Variants in SIDT1 observed in about 807,000 individuals in gnomAD.
The protein encoded by SIDT1 is SID1 transmembrane family, member 1.
A neutral mutation model predicts 107.5 loss-of-function variants in SIDT1; 101 were observed. The observed-to-expected ratio is 0.94, with a 90% CI of 0.80 to 1.11. The LOEUF (loss-of-function observed/expected upper bound fraction) is 1.11. SIDT1 is among the 50% of genes least tolerant of loss of function. The pLI, the probability that SIDT1 is intolerant of heterozygous loss-of-function variation, is 0.00. For synonymous variants in SIDT1, 395 were observed against 398.2 expected (o/e 0.99, Z 0.10); for missense variants, 1,076 against 1,058.2 (o/e 1.02, Z -0.23).
At chr3:113,556,020 C>T (rs1940818495) in intron 1 of SIDT1, among the ~76,000 whole-genome samples, 1 of 152,084 alleles carries the variant, frequency 6.6e-6, no homozygotes, top group African/African-American at 2.4e-5. Flanking sequence ...CCCACATCAT[C>T]CACCATTTGA....
rs796680699 is a variant in SIDT1 at position 113,556,822 on chromosome 3, T to TTTTTTTC, written c.223-9592_223-9591insCTTTTTT. Among the ~76,000 whole-genome samples the TTTTTTTC allele has an allele frequency of 6.3e-3, 24 of 3,780 alleles. No individual in the cohort carries two copies. In the South Asian group the frequency reaches 0.23, roughly 36 times the overall value. 2.5% of individuals were successfully genotyped at this position (3,780 alleles called of 152,430 possible). ...TTGGTATGCCCTAAGTTTCTTTTTC[T>TTTTTTTC]TTTTTTTTTTTTTTTGAAATAGAGT... On this transcript the variant is annotated intron_variant, in intron 1 of 24. Coordinates refer to ENST00000264852, the MANE Select transcript of SIDT1 (RefSeq NM_017699.3).
Position 113,623,491 on chromosome 3 carries a change from T to C in SIDT1, c.2155T>C (p.Cys719Arg). The change falls in exon 22 of 25, where the codon TGT becomes CGT. Residue 719 changes from cysteine to arginine, a missense_variant. Transcript: ENST00000264852. ...TTCCTACATGCTGGGCATCTTCATC[T>C]GTAACCTTTTGCTGTACCTGGCCTT... is the stretch of plus-strand genomic sequence containing the variant. ...FASYMLGIFI[C>R]NLLLYLAFYI... 4.3e-6 allele frequency: 7 copies of C among 1,614,150 alleles called. No individual in the cohort carries two copies. Among genetic ancestry groups the C allele is most frequent in the Non-Finnish European group, 5.9e-6 (7 of 1,179,992 alleles).
chr3:113,593,146 A>G (rs1039751548), intron 10 of SIDT1, 98 bp downstream of exon 10: 1 of 1,021,408 alleles, frequency 9.8e-7, no homozygotes, highest in Admixed American at 1.7e-5. Context: ...TGCAATTTAC[A>G]AACCCTCCCT....
At chr3:113,619,438 C>T (rs1946314086) in intron 20 of SIDT1, among the ~76,000 whole-genome samples, 1 of 152,242 alleles carries the variant, frequency 6.6e-6, no homozygotes, top group Non-Finnish European at 1.5e-5. Flanking sequence ...AAATAGAGTC[C>T]TGCTTTGCTC....
At chr3:113,601,983 G>A (rs1313058208) in intron 11 of SIDT1, 1 of 218,996 alleles carries the variant, frequency 4.6e-6, no homozygotes, top group East Asian at 1.1e-4. Context: ...GTCCCAGGGA[G>A]CCTGACATCA....
At chr3:113,546,004 C>A (rs1939541471) in intron 1 of SIDT1, among the ~76,000 whole-genome samples, 1 of 152,158 alleles carries the variant, frequency 6.6e-6, no homozygotes, top group Admixed American at 6.5e-5. Flanking sequence ...CCAAATATTT[C>A]ACAATAAACA....
At chr3:113,633,368 C>A (rs554885956), downstream of SIDT1, among the ~76,000 whole-genome samples, 1 of 152,174 alleles carries the variant, frequency 6.6e-6, no homozygotes, top group South Asian at 2.1e-4. Flanking sequence ...AAGGCTAGAA[C>A]CTTATAATAA....
chr3:113,547,744 T>C (rs1336974481), intron 1 of SIDT1, among the ~76,000 whole-genome samples: 2 of 152,156 alleles, frequency 1.3e-5, no homozygotes, highest in African/African-American at 4.8e-5. Context: ...GTTTTCTCCC[T>C]ATTTGGACCA....
intron 6 of SIDT1, chr3:113,581,731 G>A: frequency 3.0e-6 from 1 of 329,512 alleles, no homozygotes; most frequent in Non-Finnish European, 5.8e-6. Context: ...AAATTAGCTG[G>A]GCTTGGTGGT....
rs200420984 is a variant in SIDT1, at chr3:113,607,061, C to A, written c.1425C>A (p.Asn475Lys). 6.2e-7 allele frequency: 1 copy of A among 1,612,716 alleles called. No individual in the cohort carries two copies. The highest frequency in any genetic ancestry group is 1.7e-5 in the Admixed American group (1 of 60,010). The change falls in exon 15 of 25, where the codon AAC becomes AAA. Residue 475 changes from asparagine to lysine, a missense_variant. Transcript: ENST00000264852. ...TYQTVVNVTG[N>K]QDICYYNFLC... Reference sequence around the variant, plus strand: ...TACAGGTGGTAAATGTCACTGGCAACCAGGACATCTGTTACTACAACTTCC... The same window carrying A: ...TACAGGTGGTAAATGTCACTGGCAAACAGGACATCTGTTACTACAACTTCC...
Position 113,584,703 on chromosome 3 carries a change from G to A in SIDT1, c.841G>A (p.Glu281Lys), listed in dbSNP as rs1473109996. 6.3e-7 allele frequency: 1 copy of A among 1,593,130 alleles called. No homozygotes were observed. Among genetic ancestry groups the A allele is most frequent in the Non-Finnish European group, 8.5e-7 (1 of 1,172,934 alleles). Residue 281 changes from glutamate to lysine, a missense_variant, in exon 8 of 25, where the codon GAA (glutamate) becomes AAA (lysine). Transcript: ENST00000264852. ...TTTTATTTTTTTTAAACCAGAAAAG[G>A]AAAACCAGACCTGGAATCTACAGCG... ...CGGSFFIQEK[E>K]NQTWNLQRKK...
rs150235148 is a variant in SIDT1 at position 113,551,794 on chromosome 3, C to T, written c.223-14626C>T. Among the ~76,000 whole-genome samples the T allele has an allele frequency of 3.7e-3, 549 of 149,684 alleles. 7 individuals carry two copies. The highest frequency in any genetic ancestry group is 0.026 in the East Asian group (130 of 4,978). ...CATGAACCATGGTCTTACTCTGACTCCCTGTGGATCCCGGGGGTAAAGTTT... is the reference window on the plus strand; with the variant it reads ...CATGAACCATGGTCTTACTCTGACTTCCTGTGGATCCCGGGGGTAAAGTTT... On this transcript the variant is annotated intron_variant, in intron 1 of 24. Coordinates refer to ENST00000264852, the MANE Select transcript of SIDT1 (RefSeq NM_017699.3).
chr3:113,534,895 C>A (rs147967215), intron 1 of SIDT1, among the ~76,000 whole-genome samples: 337 of 152,258 alleles, frequency 2.2e-3, no homozygotes, highest in African/African-American at 7.6e-3. Context: ...GGTTGACTTC[C>A]CTAGTAAACC....
intron 1 of SIDT1, among the ~76,000 whole-genome samples, chr3:113,548,054 C>G (rs887152755): frequency 6.6e-6 from 1 of 152,032 alleles, no homozygotes; most frequent in African/African-American, 2.4e-5. Flanking sequence ...ATACCTTGGA[C>G]CTTCAAGAGC....
Position 113,538,572 on chromosome 3 carries a change from TATTAA to T in SIDT1, c.222+5335_222+5339del, listed in dbSNP as rs1396139860. Among the ~76,000 whole-genome samples, 4 of 152,374 alleles carry T rather than the reference TATTAA, an allele frequency of 2.6e-5. No individual in the cohort carries two copies. The East Asian group carries it at 7.7e-4, about 29-fold the overall frequency. ...TGTTTAAGTGATAATACTTTTGATG[TATTAA>T]ATTAACTATAGTCATAAAATTAACT... On this transcript the variant is annotated intron_variant, in intron 1 of 24. Coordinates refer to ENST00000264852, the MANE Select transcript of SIDT1 (RefSeq NM_017699.3).
chr3:113,612,958 C>T (rs1359520003), intron 19 of SIDT1, among the ~76,000 whole-genome samples: 1 of 151,924 alleles, frequency 6.6e-6, no homozygotes, highest in Admixed American at 6.6e-5. Context: ...GTAAGAACAT[C>T]AAAGTCATAA....
chr3:113,618,017 C>T (rs1418588729), intron 20 of SIDT1, among the ~76,000 whole-genome samples: 2 of 152,162 alleles, frequency 1.3e-5, no homozygotes, highest in Non-Finnish European at 2.9e-5. Flanking sequence ...TTGACATGTA[C>T]CTACCATTAT....
Position 113,585,270 on chromosome 3 carries a change from G to T in SIDT1, c.1001G>T (p.Arg334Met). 1 of 1,603,646 alleles carries T rather than the reference G, an allele frequency of 6.2e-7. No individual in the cohort carries two copies. Among genetic ancestry groups the T allele is most frequent in the Non-Finnish European group, 8.5e-7 (1 of 1,170,686 alleles). The stretch of plus-strand genomic sequence containing the variant: ...CTTGTTGGGTTTGTTCATTATCTGA[G>T]GTAGGTCAATCTTTTCTAGAAATGT... ...CLLVGFVHYL[R>M]FQRKSIDGSF... The change falls in exon 9 of 25, where the codon AGG (arginine) becomes ATG (methionine). Residue 334 changes from arginine to methionine, a missense_variant and splice_region_variant. Coordinates refer to ENST00000264852, the MANE Select transcript of SIDT1 (RefSeq NM_017699.3).
At chr3:113,595,273 CA>C (rs1362429023) in intron 10 of SIDT1, among the ~76,000 whole-genome samples, 2 of 152,154 alleles carry the variant, frequency 1.3e-5, no homozygotes, top group East Asian at 3.9e-4. Context: ...CTCCTTGGGA[CA>C]ACTAAAAATG....
Sources: gnomAD v4.1 joint callset for allele counts (sites outside exome capture counted in the v4.1 genomes callset) on GRCh38, gnomAD v4.1.1 for gene constraint, MANE v1.5 for transcripts, NCBI Gene and HGNC (gene_info 2026-07-23, HGNC 2026-07-21) for gene names.